The following CDKAL1 variants were observed in gnomAD, a reference collection of about 807,000 sequenced individuals.
CDKAL1 encodes CDKAL1 threonylcarbamoyladenosine tRNA methylthiotransferase.
Under a neutral mutation model 68.2 loss-of-function variants are expected in CDKAL1, and 32 were observed. The ratio of observed to expected loss-of-function variants is 0.47; its 90% CI spans 0.35 to 0.63. CDKAL1 has a LOEUF of 0.63. Among genes scored for constraint, CDKAL1 ranks in the 30% least tolerant of loss-of-function variants. The pLI is 0.00. For synonymous variants in CDKAL1, 234 were observed against 244.3 expected (o/e 0.96, Z 0.39); for missense variants, 606 against 696.7 (o/e 0.87, Z 1.47).
At position 20,853,118 on chromosome 6, in the gene CDKAL1, C is replaced by T. The variant is rs181919339; in HGVS notation, c.742+6940C>T. Among the ~76,000 whole-genome samples, 6 of 152,274 alleles carry T rather than the reference C, an allele frequency of 3.9e-5. No homozygotes were observed. The East Asian group carries it at 7.7e-4, about 20-fold the overall frequency. On this transcript the variant is annotated intron_variant, in intron 9 of 15. Transcript: ENST00000274695. ...ATGATAGACCAGTCGTGGTGGCTCA[C>T]GCCTGTAATCCCAGCACTTTGAGAG... is the stretch of plus-strand genomic sequence containing the variant.
chr6:20,672,236 C>CTCTTTCTTTCTTTCTTTCTTTCTT, intron 5 of CDKAL1, among the ~76,000 whole-genome samples: 1 of 135,538 alleles, frequency 7.4e-6, no homozygotes, highest in East Asian at 2.4e-4. Flanking sequence ...TCTTTTCTTT[C>CTCTTTCTTTCTTTCTTTCTTTCTT]TCTTTCTTTC....
intron 3 of CDKAL1, among the ~76,000 whole-genome samples, chr6:20,546,941 C>T (rs1763631330): frequency 6.6e-6 from 1 of 152,068 alleles, no homozygotes. Context: ...AATCTTTGAA[C>T]TTTTGATAGG....
intron 10 of CDKAL1, among the ~76,000 whole-genome samples, chr6:20,976,558 T>G (rs1006585468): frequency 2.0e-5 from 3 of 152,196 alleles, no homozygotes; most frequent in Non-Finnish European, 4.4e-5. Context: ...GCAATGATCT[T>G]AAGTGCACAA....
intron 9 of CDKAL1, among the ~76,000 whole-genome samples, chr6:20,874,074 C>CAA (rs1446779526): frequency 5.3e-5 from 8 of 151,918 alleles, no homozygotes; most frequent in Admixed American, 1.3e-4. Flanking sequence ...GCTTGAAGGA[C>CAA]GTTGGGCCTG....
chr6:20,878,336 G>C (rs1006698280), intron 9 of CDKAL1, among the ~76,000 whole-genome samples: 1 of 152,054 alleles, frequency 6.6e-6, no homozygotes, highest in Admixed American at 6.6e-5. Flanking sequence ...CTCTCCCCTC[G>C]CCCATAGGCT....
intron 9 of CDKAL1, among the ~76,000 whole-genome samples, chr6:20,924,074 C>G (rs1410737103): frequency 6.6e-6 from 1 of 151,130 alleles, no homozygotes; most frequent in Non-Finnish European, 1.5e-5. Context: ...AAAGCTGGGT[C>G]TCTTGTACCA....
intron 13 of CDKAL1, among the ~76,000 whole-genome samples, chr6:21,157,116 T>A (rs1186222015): frequency 6.6e-6 from 1 of 152,214 alleles, no homozygotes; most frequent in East Asian, 1.9e-4. Flanking sequence ...ATAGATTTGA[T>A]CCCTGCTCTA....
intron 4 of CDKAL1, among the ~76,000 whole-genome samples, chr6:20,614,620 T>G (rs553643689): frequency 1.1e-4 from 16 of 152,306 alleles, no homozygotes; most frequent in African/African-American, 3.6e-4. Flanking sequence ...ACCCCCCTAC[T>G]TATCACAGAT....
intron 11 of CDKAL1, among the ~76,000 whole-genome samples, chr6:21,022,776 G>A (rs1379099567): frequency 6.6e-6 from 1 of 152,176 alleles, no homozygotes; most frequent in Non-Finnish European, 1.5e-5. Context: ...CTGAGGAACT[G>A]CCAATATAGT....
At chr6:20,702,873 C>A (rs1028924176) in intron 5 of CDKAL1, among the ~76,000 whole-genome samples, 1 of 152,154 alleles carries the variant, frequency 6.6e-6, no homozygotes, top group African/African-American at 2.4e-5. Context: ...CTACCCAGCA[C>A]TTCCCTTCAC....
At chr6:20,933,924 C>T (rs188067513) in intron 9 of CDKAL1, among the ~76,000 whole-genome samples, 1 of 144,746 alleles carries the variant, frequency 6.9e-6, no homozygotes, top group African/African-American at 2.5e-5. Context: ...ATTGTTTAAT[C>T]TTTTTTTTTT....
intron 13 of CDKAL1, among the ~76,000 whole-genome samples, chr6:21,173,495 TAGGGAGAAA>T (rs1458892370): frequency 4.6e-5 from 7 of 152,324 alleles, no homozygotes; most frequent in African/African-American, 1.7e-4. Context: ...TTGACCATTA[TAGGGAGAAA>T]TGAACATGCA....
intron 13 of CDKAL1, among the ~76,000 whole-genome samples, chr6:21,174,584 G>A (rs1195114393): frequency 6.6e-6 from 1 of 152,048 alleles, no homozygotes. Context: ...CCCCTTTTAT[G>A]TCAACAATTA....
intron 4 of CDKAL1, among the ~76,000 whole-genome samples, chr6:20,614,354 A>C (rs1484237499): frequency 6.6e-6 from 1 of 152,148 alleles, no homozygotes; most frequent in Non-Finnish European, 1.5e-5. Context: ...ATTTTCTTAC[A>C]TTTAAATCTT....
chr6:21,160,872 C>A (rs1050229319), intron 13 of CDKAL1, among the ~76,000 whole-genome samples: 2 of 151,526 alleles, frequency 1.3e-5, no homozygotes, highest in Non-Finnish European at 2.9e-5. Context: ...CCTTGCCCCC[C>A]ACTCTCCGAT....
At chr6:20,560,516 G>A (rs998434504) in intron 4 of CDKAL1, among the ~76,000 whole-genome samples, 4 of 151,966 alleles carry the variant, frequency 2.6e-5, no homozygotes, top group Admixed American at 1.3e-4. Context: ...TTGAATTTGA[G>A]GACAAACATT....
At chr6:20,973,420 C>T (rs1279995348) in intron 10 of CDKAL1, among the ~76,000 whole-genome samples, 3 of 152,002 alleles carry the variant, frequency 2.0e-5, no homozygotes, top group African/African-American at 4.8e-5. Context: ...AGCCAGTGAG[C>T]GGGGAGTGAA....
intron 13 of CDKAL1, 121 bp from the exon 14 acceptor site, chr6:21,197,900 C>T (rs1486166478): frequency 7.6e-6 from 4 of 528,608 alleles, no homozygotes; most frequent in Non-Finnish European, 1.3e-5. Flanking sequence ...GTAGAGTCTA[C>T]TTTAAATTCA....
chr6:20,682,950 TC>T (rs367575671), intron 5 of CDKAL1, among the ~76,000 whole-genome samples: 113 of 112,278 alleles, frequency 1.0e-3, no homozygotes, highest in Non-Finnish European at 1.5e-3. Context: ...TCTTTTTCTT[TC>T]TTTTTTTTTT....
Sources: gnomAD v4.1 joint callset for allele counts (sites outside exome capture counted in the v4.1 genomes callset) on GRCh38, gnomAD v4.1.1 for gene constraint, MANE v1.5 for transcripts, NCBI Gene and HGNC (gene_info 2026-07-23, HGNC 2026-07-21) for gene names.